GPM6A: variants seen among roughly 807,000 people sequenced by gnomAD.
GPM6A encodes neuronal membrane glycoprotein M6-a.
Under a neutral mutation model 32.1 loss-of-function variants are expected in GPM6A, and 7 were observed. That is an observed-to-expected ratio of 0.22 (90% confidence interval 0.12 to 0.41). The LOEUF is 0.41. GPM6A is among the 10% of genes least tolerant of loss of function. The probability of loss-of-function intolerance (pLI) is 1.00; values close to 1 mark genes in which losing one functional copy is unlikely to be tolerated. For synonymous variants in GPM6A, 130 were observed against 123.4 expected, an observed-to-expected ratio of 1.05 and a Z score of -0.35; for missense variants, 235 against 347.2, an observed-to-expected ratio of 0.68 and a Z score of 2.57.
At chr4:175,786,611 A>T (rs566856535) in intron 1 of GPM6A, among the ~76,000 whole-genome samples, 1 of 152,192 alleles carries the variant, frequency 6.6e-6, no homozygotes, top group South Asian at 2.1e-4. Context: ...ACTCAAGCAC[A>T]TGAAAGCAGC....
At chr4:175,739,432 A>T (rs1194085043) in intron 1 of GPM6A, among the ~76,000 whole-genome samples, 1 of 152,160 alleles carries the variant, frequency 6.6e-6, no homozygotes, top group Non-Finnish European at 1.5e-5. Context: ...CTAGAAACAA[A>T]TGTTCTTTCT....
intron 1 of GPM6A, among the ~76,000 whole-genome samples, chr4:175,785,169 G>A (rs1482871631): frequency 6.6e-6 from 1 of 152,144 alleles, no homozygotes; most frequent in Non-Finnish European, 1.5e-5. Flanking sequence ...CTCTGGGGAT[G>A]TCCCCTGACC....
At chr4:175,725,584 A>G (rs538111947) in intron 1 of GPM6A, among the ~76,000 whole-genome samples, 3 of 152,216 alleles carry the variant, frequency 2.0e-5, no homozygotes, top group Admixed American at 2.0e-4. Context: ...GAGCCACCAC[A>G]CCTAATCCCA....
chr4:175,900,308 GAAAGGAAAGGAAAGGA>G, intron 1 of GPM6A, among the ~76,000 whole-genome samples: 1 of 816 alleles, frequency 1.2e-3, no homozygotes. Context: ...AGAAAAGAAG[GAAAGGAAAGGAAAGGA>G]AAGGAAAGGA....
At chr4:175,873,194 A>C (rs1736967055) in intron 1 of GPM6A, among the ~76,000 whole-genome samples, 1 of 152,124 alleles carries the variant, frequency 6.6e-6, no homozygotes, top group African/African-American at 2.4e-5. Context: ...TCCTAAAAAA[A>C]ATCATTTACC....
intron 3 of GPM6A, among the ~76,000 whole-genome samples, chr4:175,659,049 C>T (rs1465177700): frequency 1.3e-5 from 2 of 151,568 alleles, no homozygotes; most frequent in Non-Finnish European, 2.9e-5. Context: ...ATCTTAAATC[C>T]TGTCATATGA....
chr4:175,816,954 G>T (rs1735121694), upstream of GPM6A, among the ~76,000 whole-genome samples: 1 of 152,008 alleles, frequency 6.6e-6, no homozygotes, highest in Non-Finnish European at 1.5e-5. Flanking sequence ...CCGCCTCCCG[G>T]GTTCACGCCA....
At position 175,989,666 on chromosome 4, in the gene GPM6A, G is replaced by T. The variant is rs147695679; in HGVS notation, c.-23+12643C>A. 2.5e-3 allele frequency among the ~76,000 whole-genome samples: 382 copies of T among 152,204 alleles called. 5 individuals carry two copies. The highest frequency in any genetic ancestry group is 8.6e-3 in the African/African-American group (358 of 41,528). ...TTAATTTTATAACTTAGTTTGATCA[G>T]TGTAATAGTCCACTATGTTATAATC... On this transcript the variant is annotated intron_variant, in intron 1 of 7. Transcript: ENST00000280187.
At chr4:175,646,112 G>A (rs967087649) in intron 4 of GPM6A, among the ~76,000 whole-genome samples, 13 of 152,038 alleles carry the variant, frequency 8.6e-5, no homozygotes, top group African/African-American at 2.7e-4. Context: ...ATTCAGGCTC[G>A]TTACTTTCTT....
intron 1 of GPM6A, among the ~76,000 whole-genome samples, chr4:175,874,508 T>C (rs1258363572): frequency 2.0e-5 from 3 of 148,682 alleles, no homozygotes; most frequent in African/African-American, 7.5e-5. Context: ...GAGGGAGGAG[T>C]AAACACTGAG....
intron 1 of GPM6A, among the ~76,000 whole-genome samples, chr4:175,802,404 T>C (rs1172052545): frequency 6.6e-6 from 1 of 152,102 alleles, no homozygotes; most frequent in Non-Finnish European, 1.5e-5. Flanking sequence ...CCGATACCAT[T>C]GACCAGAGCT....
At chr4:175,892,608 C>G (rs1737682157) in intron 1 of GPM6A, among the ~76,000 whole-genome samples, 2 of 152,184 alleles carry the variant, frequency 1.3e-5, no homozygotes, top group South Asian at 4.1e-4. Flanking sequence ...CACTACGGCT[C>G]TTTCATTTGC....
At chr4:175,719,804 G>A (rs528970167) in intron 1 of GPM6A, among the ~76,000 whole-genome samples, 1 of 152,094 alleles carries the variant, frequency 6.6e-6, no homozygotes, top group African/African-American at 2.4e-5. Flanking sequence ...AAGCTAAAAC[G>A]TATTTTTTAA....
intron 1 of GPM6A, among the ~76,000 whole-genome samples, chr4:175,723,838 C>T (rs1324194392): frequency 6.6e-6 from 1 of 151,944 alleles, no homozygotes; most frequent in Non-Finnish European, 1.5e-5. Flanking sequence ...ACTGTTAGGA[C>T]TCTCATATTT....
chr4:176,000,220 GT>G (rs1487253377), intron 1 of GPM6A, among the ~76,000 whole-genome samples: 2 of 152,216 alleles, frequency 1.3e-5, no homozygotes, highest in South Asian at 2.1e-4. Context: ...GACTACGTAA[GT>G]TTTTGGTGAC....
chr4:175,853,617 A>C (rs1422639476), intron 1 of GPM6A, among the ~76,000 whole-genome samples: 1 of 151,548 alleles, frequency 6.6e-6, no homozygotes, highest in African/African-American at 2.4e-5. Context: ...TTACCAGTGG[A>C]GTCGTTCTAT....
chr4:175,787,818 G>A (rs1332406520), intron 1 of GPM6A: 4 of 163,044 alleles, frequency 2.5e-5, no homozygotes, highest in Admixed American at 6.4e-5. Flanking sequence ...GTTTTGGCTT[G>A]TTAGCTTGTT....
At chr4:175,811,254 T>C (rs1734907128) in intron 1 of GPM6A, among the ~76,000 whole-genome samples, 1 of 152,194 alleles carries the variant, frequency 6.6e-6, no homozygotes, top group South Asian at 2.1e-4. Context: ...CAGCTGAATC[T>C]TTTTCAACAC....
At chr4:175,947,307 C>T (rs888418179) in intron 1 of GPM6A, among the ~76,000 whole-genome samples, 1 of 151,978 alleles carries the variant, frequency 6.6e-6, no homozygotes, top group African/African-American at 2.4e-5. Context: ...GTGATTTCCA[C>T]AGCAACCACT....
Sources: gnomAD v4.1 joint callset for allele counts (sites outside exome capture counted in the v4.1 genomes callset) on GRCh38, gnomAD v4.1.1 for gene constraint, MANE v1.5 for transcripts, NCBI Gene and HGNC (gene_info 2026-07-23, HGNC 2026-07-21) for gene names.